The following FAM13B variants were observed in gnomAD, a reference collection of about 807,000 sequenced individuals.
The protein encoded by FAM13B is protein FAM13B.
A neutral mutation model predicts 117.3 loss-of-function variants in FAM13B; 60 were observed. That is an observed-to-expected ratio of 0.51 (90% CI 0.42 to 0.63). The LOEUF is 0.63. FAM13B is among the 30% of genes least tolerant of loss of function. The pLI is 0.00. For missense variants in FAM13B, 972 were observed against 1,091.9 expected (o/e 0.89, Z 1.55); for synonymous variants, 332 against 356.1 (o/e 0.93, Z 0.76).
intron 7 of FAM13B, among the ~76,000 whole-genome samples, chr5:137,996,264 C>T (rs1393682150): frequency 6.6e-6 from 1 of 151,878 alleles, no homozygotes; most frequent in Non-Finnish European, 1.5e-5. Context: ...GCCTCCCGAA[C>T]AGCTGGGACT....
intron 20 of FAM13B, among the ~76,000 whole-genome samples, chr5:137,943,787 T>C (rs1443920099): frequency 1.3e-5 from 2 of 152,176 alleles, no homozygotes; most frequent in East Asian, 3.8e-4. Context: ...TATAGTTTAA[T>C]GGGAAGCACT....
At chr5:138,007,182 T>C in intron 6 of FAM13B, 35 bp from the exon 7 acceptor site, 2 of 1,483,688 alleles carry the variant, frequency 1.3e-6, no homozygotes, top group Non-Finnish European at 1.8e-6. Context: ...AATTAAAATG[T>C]AATGAAACCG....
chr5:137,979,511 A>G (rs1358614021), intron 10 of FAM13B, among the ~76,000 whole-genome samples: 1 of 152,156 alleles, frequency 6.6e-6, no homozygotes, highest in Non-Finnish European at 1.5e-5. Context: ...TACAATTCTT[A>G]AGATAGTATT....
chr5:137,951,676 A>G (rs1035545941), intron 17 of FAM13B, among the ~76,000 whole-genome samples: 1 of 151,932 alleles, frequency 6.6e-6, no homozygotes, highest in African/African-American at 2.4e-5. Flanking sequence ...TAAAAAATAT[A>G]TATTTTTTTA....
In FAM13B at chr5:138,015,376, T is replaced by C. The variant is rs556418653; in HGVS notation, c.370+2926A>G. On this transcript the variant is annotated intron_variant, in intron 4 of 23. Coordinates refer to ENST00000689681, the MANE Select transcript of FAM13B (RefSeq NM_001385994.1). Reference sequence around the variant, plus strand: ...CCATGATCTTAAAAGCAATTAACTGTCATGTATTTGTGAATATTAAAATAT... The same window carrying C: ...CCATGATCTTAAAAGCAATTAACTGCCATGTATTTGTGAATATTAAAATAT... Among the ~76,000 whole-genome samples the C allele has an allele frequency of 2.2e-3, 330 of 152,352 alleles. 3 individuals carry two copies. The highest frequency in any genetic ancestry group is 7.5e-3 in the African/African-American group (310 of 41,592).
chr5:137,962,297 C>A, intron 11 of FAM13B, 108 bp downstream of exon 11: 1 of 842,960 alleles, frequency 1.2e-6, no homozygotes, highest in Non-Finnish European at 1.9e-6. Flanking sequence ...TTAAGATTAT[C>A]TAAACTATAT....
chr5:138,035,963 A>G (rs1272157757), upstream of FAM13B, among the ~76,000 whole-genome samples: 1 of 152,078 alleles, frequency 6.6e-6, no homozygotes, highest in African/African-American at 2.4e-5. Flanking sequence ...GCGTAAAGCT[A>G]TTTTGGCAGT....
At chr5:138,003,514 A>C (rs763465138) in intron 7 of FAM13B, among the ~76,000 whole-genome samples, 31 of 152,222 alleles carry the variant, frequency 2.0e-4, no homozygotes, top group Non-Finnish European at 4.3e-4. Flanking sequence ...AAACACATAA[A>C]TATTACTAAA....
At chr5:138,046,184 T>A (rs1017153580) in intron 1 of FAM13B, among the ~76,000 whole-genome samples, 1 of 152,184 alleles carries the variant, frequency 6.6e-6, no homozygotes, top group African/African-American at 2.4e-5. Context: ...CCACATAAGA[T>A]GTGACTTGCT....
intron 7 of FAM13B, among the ~76,000 whole-genome samples, chr5:138,002,301 G>A (rs1425128840): frequency 6.6e-6 from 1 of 152,170 alleles, no homozygotes; most frequent in Non-Finnish European, 1.5e-5. Context: ...GGCCGAGACG[G>A]GTGGATCACT....
At chr5:137,976,223 G>C (rs1773952666) in intron 10 of FAM13B, among the ~76,000 whole-genome samples, 1 of 151,988 alleles carries the variant, frequency 6.6e-6, no homozygotes. Flanking sequence ...CCAAAGTGCT[G>C]GGATTACAGG....
chr5:137,956,695 C>T (rs1766657175), intron 13 of FAM13B, among the ~76,000 whole-genome samples, 153 bp from the exon 14 acceptor site: 1 of 148,682 alleles, frequency 6.7e-6, no homozygotes, highest in African/African-American at 2.4e-5. Context: ...AAAGAAATCA[C>T]TACTAACTAG....
intron 10 of FAM13B, among the ~76,000 whole-genome samples, chr5:137,964,269 T>C (rs1370331529): frequency 6.6e-6 from 1 of 151,830 alleles, no homozygotes; most frequent in Non-Finnish European, 1.5e-5. Context: ...GCATGTTGAA[T>C]AGGGTAATTT....
chr5:137,968,936 C>T (rs943006950), intron 10 of FAM13B, among the ~76,000 whole-genome samples: 1 of 152,214 alleles, frequency 6.6e-6, no homozygotes, highest in Non-Finnish European at 1.5e-5. Context: ...ACATTATATC[C>T]CGCACCTGGC....
rs563578076 is a variant in FAM13B, at chr5:137,947,719, T to A, written c.2160+1236A>T. Reference sequence around the variant, plus strand: ...GCCTCAGCCTCTGGAGTAGCTGGATTACAGGCATGTGCCACCACAACCTGC... The same window carrying A: ...GCCTCAGCCTCTGGAGTAGCTGGATAACAGGCATGTGCCACCACAACCTGC... On this transcript the variant is annotated intron_variant, in intron 18 of 23. Coordinates refer to ENST00000689681, the MANE Select transcript of FAM13B (RefSeq NM_001385994.1). Among the ~76,000 whole-genome samples the A allele has an allele frequency of 3.9e-5, 6 of 152,220 alleles. No homozygotes were observed. The East Asian group carries it at 1.2e-3, about 29-fold the overall frequency.
intron 10 of FAM13B, among the ~76,000 whole-genome samples, chr5:137,966,115 A>G (rs908604007): frequency 2.0e-5 from 3 of 151,514 alleles, no homozygotes; most frequent in Non-Finnish European, 2.9e-5. Context: ...AAAAAATTCT[A>G]TTTTGCAAAA....
chr5:137,950,210 C>T (rs1764572027), intron 17 of FAM13B, among the ~76,000 whole-genome samples: 1 of 152,092 alleles, frequency 6.6e-6, no homozygotes, highest in African/African-American at 2.4e-5. Context: ...AGTCACAGCG[C>T]TAAAAGGAGT....
At chr5:137,947,545 A>G (rs1581053987) in intron 18 of FAM13B, among the ~76,000 whole-genome samples, 1 of 152,126 alleles carries the variant, frequency 6.6e-6, no homozygotes, top group Non-Finnish European at 1.5e-5. Context: ...ACATAGTGAG[A>G]CACGATTTCT....
At chr5:138,045,921 G>C (rs932509691) in intron 1 of FAM13B, among the ~76,000 whole-genome samples, 2 of 149,330 alleles carry the variant, frequency 1.3e-5, no homozygotes, top group Admixed American at 1.4e-4. Context: ...CTCCCACTTG[G>C]GCAACAAGAG....
Sources: allele counts gnomAD v4.1 joint callset (sites outside exome capture counted in the v4.1 genomes callset), GRCh38; gene constraint gnomAD v4.1.1; transcripts MANE v1.5; gene names NCBI Gene and HGNC (gene_info 2026-07-23, HGNC 2026-07-21).